The following IKZF4 variants were observed in gnomAD, a reference collection of about 807,000 sequenced individuals.
The protein encoded by IKZF4 is zinc finger protein Eos.
In IKZF4, 11 loss-of-function variants were observed where a neutral mutation model predicts 47.7. The observed-to-expected ratio is 0.23, with a 90% CI of 0.15 to 0.38. IKZF4 has a LOEUF of 0.38. Among genes scored for constraint, IKZF4 ranks in the 10% least tolerant of loss-of-function variants. IKZF4 has a pLI of 1.00. For synonymous variants in IKZF4, 298 were observed against 299.4 expected (o/e 1.00, Z 0.05); for missense variants, 557 against 784.9 (o/e 0.71, Z 3.47).
intron 5 of IKZF4, among the ~76,000 whole-genome samples, chr12:56,029,498 T>C (rs1894571491): frequency 6.6e-6 from 1 of 152,202 alleles, no homozygotes; most frequent in African/African-American, 2.4e-5. Context: ...ATTTTTCTCT[T>C]CTTAAACTCT....
At chr12:56,008,324 G>A (rs560363370) in intron 1 of IKZF4, among the ~76,000 whole-genome samples, 2 of 152,018 alleles carry the variant, frequency 1.3e-5, no homozygotes, top group African/African-American at 4.8e-5. Flanking sequence ...CACTGCTTGA[G>A]AGCCCTAAGA....
chr12:56,028,561 A>G (rs989180161), intron 5 of IKZF4, among the ~76,000 whole-genome samples: 1 of 123,894 alleles, frequency 8.1e-6, no homozygotes, highest in South Asian at 2.8e-4. Flanking sequence ...AAAAAAAAAA[A>G]GTCACCCTTC....
At position 56,037,909 on chromosome 12, in the gene IKZF4, CT is replaced by C. The variant is rs1425963837; in HGVS notation, c.*2582del. ...CCCACATGGAGAAAAGAGGTGTTTC[CT>C]TTTATATTGCTATTCAAAATCAATA... On this transcript the variant is annotated 3_prime_UTR_variant, in exon 8 of 8. Coordinates refer to ENST00000547167, the MANE Select transcript of IKZF4 (RefSeq NM_022465.4). 1.3e-5 allele frequency: 2 copies of C among 151,808 alleles called. No individual in the cohort carries two copies. Among genetic ancestry groups the C allele is most frequent in the Non-Finnish European group, 2.9e-5 (2 of 67,976 alleles). 9.4% of individuals were successfully genotyped at this position (151,808 alleles called of 1,614,324 possible).
intron 2 of IKZF4, among the ~76,000 whole-genome samples, chr12:56,012,451 C>A (rs927247886): frequency 5.9e-5 from 9 of 151,906 alleles, no homozygotes; most frequent in Admixed American, 4.6e-4. Context: ...ATTTTGTATT[C>A]TTCGTAGAGA....
chr12:56,010,895 A>G (rs543673830), intron 1 of IKZF4, among the ~76,000 whole-genome samples: 1 of 152,314 alleles, frequency 6.6e-6, no homozygotes, highest in Admixed American at 6.5e-5. Flanking sequence ...GAGCAAGACT[A>G]TTAGCAGAGA....
At chr12:56,024,169 A>G (rs1893562682) in intron 2 of IKZF4, among the ~76,000 whole-genome samples, 1 of 152,218 alleles carries the variant, frequency 6.6e-6, no homozygotes, top group Admixed American at 6.5e-5. Context: ...TTACAAAGCA[A>G]TTTATCAGAA....
intron 1 of IKZF4, among the ~76,000 whole-genome samples, chr12:56,022,834 C>A (rs1302814100): frequency 1.4e-5 from 2 of 140,386 alleles, no homozygotes; most frequent in African/African-American, 5.3e-5. Context: ...GAGTCTCGCT[C>A]TGTCGCCCAG....
In IKZF4 at chr12:56,036,571, C is replaced by G. The variant is rs1329154017; in HGVS notation, c.*1240C>G. 6.6e-6 allele frequency: 1 copy of G among 152,156 alleles called. No individual in the cohort carries two copies. The highest frequency in any genetic ancestry group is 2.4e-5 in the African/African-American group (1 of 41,432). 9.4% of individuals were successfully genotyped at this position (152,156 alleles called of 1,614,324 possible). A position where few individuals can be genotyped will look rare whatever the true frequency, so the allele number is the denominator to read the frequency against. On this transcript the variant is annotated 3_prime_UTR_variant, in exon 8 of 8. Coordinates refer to ENST00000547167, the MANE Select transcript of IKZF4 (RefSeq NM_022465.4). ...TTCTCTCTTCTAATTTTCAGTATAA[C>G]CAAAAATTATCCCAGCATGAGCACG...
intron 1 of IKZF4, among the ~76,000 whole-genome samples, chr12:56,008,659 T>C (rs1890981818): frequency 1.4e-5 from 2 of 146,788 alleles, no homozygotes; most frequent in South Asian, 4.3e-4. Flanking sequence ...TTACGAACTC[T>C]GCTTCCAGGA....
intron 5 of IKZF4, among the ~76,000 whole-genome samples, chr12:56,031,205 C>T (rs371619005): frequency 3.9e-5 from 6 of 152,014 alleles, no homozygotes; most frequent in African/African-American, 1.5e-4. Context: ...GAGCCGAGAT[C>T]GTGCCACTGC....
chr12:56,034,572 C>A lies in IKZF4; in HGVS notation c.999C>A (p.Gly333=). 1 of 1,600,804 alleles carries A rather than the reference C, an allele frequency of 6.2e-7. No homozygotes were observed. ...CTGCTGAGTTCCTGTTCTCCACAGG[C>A]GAAAAGCAGATGCGCTTCAGCCTCT... ...RKRSTPQKFV[G]EKQMRFSLSD... Residue 333 remains glycine, a splice_region_variant and synonymous_variant, in exon 8 of 8, where the codon GGC becomes GGA. Transcript: ENST00000547167.
In IKZF4 at chr12:56,021,126, C is replaced by T; in HGVS notation, c.-368C>T. 1 of 1,402,356 alleles carries T rather than the reference C, an allele frequency of 7.1e-7. No individual in the cohort carries two copies. The highest frequency in any genetic ancestry group is 9.3e-7 in the Non-Finnish European group (1 of 1,080,728). The allele number at this position is 1,402,356 out of a possible 1,614,324, so 86.9% of individuals were successfully genotyped here. Reference sequence around the variant, plus strand: ...GGGGCAACAGCATCTGCCTTTCCCTCCCTGTGCACACACCCACCACCCACC... The same window carrying T: ...GGGGCAACAGCATCTGCCTTTCCCTTCCTGTGCACACACCCACCACCCACC... On this transcript the variant is annotated 5_prime_UTR_variant, in exon 1 of 8. Transcript: ENST00000547167.
At chr12:56,023,409 T>C (rs965250642) in intron 1 of IKZF4, among the ~76,000 whole-genome samples, 6 of 152,234 alleles carry the variant, frequency 3.9e-5, no homozygotes, top group East Asian at 1.9e-4. Flanking sequence ...TCTACAAGTC[T>C]CAACCCACAA....
chr12:56,037,785 C>G lies in IKZF4; in HGVS notation c.*2454C>G, dbSNP rs1408118139. The G allele has an allele frequency of 6.6e-6, 1 of 152,332 alleles. No homozygotes were observed. Among genetic ancestry groups the G allele is most frequent in the Non-Finnish European group, 1.5e-5 (1 of 68,004 alleles). 9.4% of individuals were successfully genotyped at this position (152,332 alleles called of 1,614,324 possible). On this transcript the variant is annotated 3_prime_UTR_variant, in exon 8 of 8. Coordinates refer to ENST00000547167, the MANE Select transcript of IKZF4 (RefSeq NM_022465.4). ...ACAAAATCCTACTTTTCAGAGCCTTCCAGCTCTGGAACCTCAAACATCCTC... is the reference window on the plus strand; with the variant it reads ...ACAAAATCCTACTTTTCAGAGCCTTGCAGCTCTGGAACCTCAAACATCCTC...
At position 56,034,492 on chromosome 12, in the gene IKZF4, TAA is replaced by T. The variant is rs878869590; in HGVS notation, c.998-73_998-72del. 19 of 1,430,770 alleles carry T rather than the reference TAA, an allele frequency of 1.3e-5. No individual in the cohort carries two copies. The South Asian group carries it at 2.3e-4, about 18-fold the overall frequency. The allele number at this position is 1,430,770 out of a possible 1,614,324, so 88.6% of individuals were successfully genotyped here. ...ATAATGTTACACCCAGCCCCACAGG[TAA>T]AAAAACAAAGAAGTAATCCTGAGGA... On this transcript the variant is annotated intron_variant, in intron 7 of 7. Coordinates refer to ENST00000547167, the MANE Select transcript of IKZF4 (RefSeq NM_022465.4).
chr12:56,029,551 C>A (rs1302562557), intron 5 of IKZF4: 1 of 152,196 alleles, frequency 6.6e-6, no homozygotes, highest in Non-Finnish European at 1.5e-5. Context: ...ATTTCATCAC[C>A]CTCTACTTTC....
At chr12:56,018,078 C>G (rs1310945972), upstream of IKZF4, 2 of 1,190,798 alleles carry the variant, frequency 1.7e-6, no homozygotes, top group African/African-American at 1.6e-5. Context: ...AAAGCCTCCT[C>G]CCTTCCCAGA....
At chr12:56,028,457 C>T (rs899010470) in intron 5 of IKZF4, among the ~76,000 whole-genome samples, 5 of 139,056 alleles carry the variant, frequency 3.6e-5, no homozygotes, top group Admixed American at 2.5e-4. Flanking sequence ...GGCGTGAACC[C>T]GGGAGGCGGA....
At chr12:56,026,117 G>A (rs1893939328) in intron 3 of IKZF4, among the ~76,000 whole-genome samples, 1 of 151,966 alleles carries the variant, frequency 6.6e-6, no homozygotes, top group Non-Finnish European at 1.5e-5. Context: ...TGTATTTTTA[G>A]TAAAGACAGG....
Sources: gnomAD v4.1 joint callset for allele counts (sites outside exome capture counted in the v4.1 genomes callset) on GRCh38, gnomAD v4.1.1 for gene constraint, MANE v1.5 for transcripts, NCBI Gene and HGNC (gene_info 2026-07-23, HGNC 2026-07-21) for gene names.